TNFAIP8: variants seen among roughly 807,000 people sequenced by gnomAD.
TNFAIP8 encodes TNF alpha induced protein 8.
Under a neutral mutation model 13.3 loss-of-function variants are expected in TNFAIP8, and 7 were observed. That is an observed-to-expected ratio of 0.52 (90% CI 0.30 to 0.99). The LOEUF (loss-of-function observed/expected upper bound fraction) is 0.99, where lower values mean the gene tolerates loss of function less well. TNFAIP8 is among the 50% of genes least tolerant of loss of function. TNFAIP8 has a pLI of 0.07. For synonymous variants in TNFAIP8, 94 were observed against 87.6 expected (o/e 1.07, Z -0.41); for missense variants, 258 against 236.9 (o/e 1.09, Z -0.58).
At chr5:119,351,992 C>G (rs921608238), upstream of TNFAIP8, among the ~76,000 whole-genome samples, 28 of 151,946 alleles carry the variant, frequency 1.8e-4, no homozygotes, top group African/African-American at 6.3e-4. Context: ...ATTTCACTGT[C>G]TTGGCCAGGC....
chr5:119,365,321 A>G (rs905277511), intron 1 of TNFAIP8, among the ~76,000 whole-genome samples: 1 of 152,162 alleles, frequency 6.6e-6, no homozygotes, highest in African/African-American at 2.4e-5. Flanking sequence ...TCTTATACAT[A>G]TTAACTAGGA....
chr5:119,350,996 C>CTG (rs1562012624), intron 1 of TNFAIP8, among the ~76,000 whole-genome samples: 1 of 101,608 alleles, frequency 9.8e-6, no homozygotes, highest in African/African-American at 5.0e-5. Flanking sequence ...AGGGGTCTCA[C>CTG]TCTGTGTGTG....
At position 119,271,388 on chromosome 5, in the gene TNFAIP8, C is replaced by T. The variant is rs115066101; in HGVS notation, c.1+2481C>T. On this transcript the variant is annotated intron_variant, in intron 1 of 1. Coordinates refer to the TNFAIP8 transcript ENST00000274456. ...ATATTTAATTGATCCAATTAATCCT[C>T]TTTTGCAGAAGATAGCCCAATGTGG... Among the ~76,000 whole-genome samples, 228 of 152,332 alleles carry T rather than the reference C, an allele frequency of 1.5e-3. 1 individual carries two copies. Among genetic ancestry groups the T allele is most frequent in the African/African-American group, 5.2e-3 (218 of 41,564 alleles).
intron 1 of TNFAIP8, among the ~76,000 whole-genome samples, chr5:119,284,443 G>A (rs1295545093): frequency 1.3e-5 from 2 of 152,152 alleles, no homozygotes; most frequent in Admixed American, 1.3e-4. Context: ...CACTTTGGGA[G>A]GCTGAGATGG....
At chr5:119,300,314 A>G (rs1415085456) in intron 1 of TNFAIP8, among the ~76,000 whole-genome samples, 1 of 152,222 alleles carries the variant, frequency 6.6e-6, no homozygotes. Flanking sequence ...ACATCCTCAG[A>G]AAGAAGGTTA....
chr5:119,347,119 G>T (rs1167726828), intron 1 of TNFAIP8, among the ~76,000 whole-genome samples: 1 of 152,150 alleles, frequency 6.6e-6, no homozygotes, highest in Non-Finnish European at 1.5e-5. Context: ...GCTTGTCTTT[G>T]AGGCATTTTG....
chr5:119,339,794 TA>T (rs1170695410), intron 1 of TNFAIP8, among the ~76,000 whole-genome samples: 1 of 152,202 alleles, frequency 6.6e-6, no homozygotes, highest in Non-Finnish European at 1.5e-5. Context: ...AATTTGTATT[TA>T]AAAACTGTTT....
intron 1 of TNFAIP8, among the ~76,000 whole-genome samples, chr5:119,298,546 C>T (rs1301746032): frequency 6.6e-6 from 1 of 151,346 alleles, no homozygotes; most frequent in African/African-American, 2.4e-5. Flanking sequence ...AACATTTTTT[C>T]CTTCATTTCA....
At chr5:119,355,374 C>T, upstream of TNFAIP8, 1 of 702,460 alleles carries the variant, frequency 1.4e-6, no homozygotes, top group African/African-American at 1.7e-5. Flanking sequence ...GCAGCCCCGT[C>T]TGCTTTTGCT....
intron 1 of TNFAIP8, among the ~76,000 whole-genome samples, chr5:119,389,379 A>G (rs1018024237): frequency 6.6e-6 from 1 of 150,674 alleles, no homozygotes; most frequent in South Asian, 2.1e-4. Context: ...CATGGGTGGT[A>G]TCTGAAGCTG....
chr5:119,312,522 A>G (rs115257113), intron 1 of TNFAIP8, among the ~76,000 whole-genome samples: 272 of 152,306 alleles, frequency 1.8e-3, no homozygotes, highest in African/African-American at 6.2e-3. Flanking sequence ...AAGAGGCTTA[A>G]TGACATACAC....
chr5:119,399,359 C>T lies in TNFAIP8; in HGVS notation c.*5978C>T, dbSNP rs556856946. The stretch of plus-strand genomic sequence containing the variant: ...TCTGAAATTTGCATAAGAGCAATTA[C>T]CTCATATTCTAATTTTAAAGATACA... On this transcript the variant is annotated 3_prime_UTR_variant, in exon 2 of 2. Coordinates refer to ENST00000504771, the MANE Select transcript of TNFAIP8 (RefSeq NM_014350.4). The T allele has an allele frequency of 4.6e-5, 7 of 152,226 alleles. No homozygotes were observed. In the South Asian group the frequency reaches 1.0e-3, roughly 23 times the overall value. The allele number at this position is 152,226 out of a possible 1,614,324, so 9.4% of individuals were successfully genotyped here.
chr5:119,357,426 A>G lies in TNFAIP8; in HGVS notation c.31+1305A>G, dbSNP rs1020418663. ...TTCAAAGTCAAAGGTAGTTGAAGGC[A>G]AATAGGAACCAGGCTGAGAGAACTC... On this transcript the variant is annotated intron_variant, in intron 1 of 1. Coordinates refer to ENST00000504771, the MANE Select transcript of TNFAIP8 (RefSeq NM_014350.4). Among the ~76,000 whole-genome samples, 17 of 152,296 alleles carry G rather than the reference A, an allele frequency of 1.1e-4. No homozygotes were observed. The South Asian group carries it at 3.5e-3, about 32-fold the overall frequency.
intron 1 of TNFAIP8, among the ~76,000 whole-genome samples, chr5:119,281,018 G>A (rs574520781): frequency 1.3e-5 from 2 of 152,032 alleles, no homozygotes; most frequent in East Asian, 3.9e-4. Context: ...TGACCAATGG[G>A]AGCCTCTTCA....
At chr5:119,324,728 A>G (rs887551981) in intron 1 of TNFAIP8, among the ~76,000 whole-genome samples, 4 of 151,944 alleles carry the variant, frequency 2.6e-5, no homozygotes, top group Admixed American at 1.3e-4. Flanking sequence ...CTACAATTTG[A>G]CCAATAAAAA....
intron 1 of TNFAIP8, among the ~76,000 whole-genome samples, chr5:119,343,317 G>T (rs1052033431): frequency 3.9e-5 from 6 of 152,200 alleles, no homozygotes; most frequent in African/African-American, 1.4e-4. Flanking sequence ...GCAGCTGTCA[G>T]ATTTATTTTT....
chr5:119,365,115 GT>G (rs1751798166), intron 1 of TNFAIP8, among the ~76,000 whole-genome samples: 1 of 151,982 alleles, frequency 6.6e-6, no homozygotes, highest in African/African-American at 2.4e-5. Flanking sequence ...GCCTCCCAAA[GT>G]GCTGGGATTA....
intron 1 of TNFAIP8, among the ~76,000 whole-genome samples, chr5:119,278,556 G>A (rs1280110768): frequency 6.6e-6 from 1 of 152,038 alleles, no homozygotes; most frequent in African/African-American, 2.4e-5. Flanking sequence ...AAGGGAAGCT[G>A]TGAAAGTGAG....
chr5:119,315,043 G>A (rs1246474321), intron 1 of TNFAIP8, among the ~76,000 whole-genome samples: 3 of 149,422 alleles, frequency 2.0e-5, no homozygotes, highest in Non-Finnish European at 4.4e-5. Context: ...CACTACGCCC[G>A]GCTAATTTTT....
Sources: allele counts gnomAD v4.1 joint callset (sites outside exome capture counted in the v4.1 genomes callset), GRCh38; gene constraint gnomAD v4.1.1; transcripts MANE v1.5; gene names NCBI Gene and HGNC (gene_info 2026-07-23, HGNC 2026-07-21).